SLC28A3: variants seen among roughly 807,000 people sequenced by gnomAD.
The protein encoded by SLC28A3 is concentrative Na(+)-nucleoside cotransporter 3.
In SLC28A3, 68 loss-of-function variants were observed where a neutral mutation model predicts 84.2. The ratio of observed to expected loss-of-function variants is 0.81; its 90% CI spans 0.66 to 0.99. The LOEUF is 0.99. Ranked by LOEUF, SLC28A3 falls within the 50% of genes least tolerant of loss-of-function variation. SLC28A3 has a pLI of 0.00. For synonymous variants in SLC28A3, 267 were observed against 303.6 expected, an observed-to-expected ratio of 0.88 and a Z score of 1.25; for missense variants, 712 against 841.5, an observed-to-expected ratio of 0.85 and a Z score of 1.90.
intron 1 of SLC28A3, among the ~76,000 whole-genome samples, chr9:84,336,530 G>T (rs1186463892): frequency 6.6e-6 from 1 of 152,090 alleles, no homozygotes; most frequent in Admixed American, 6.5e-5. Context: ...ACAAAGACTA[G>T]CCAAGTGTGG....
intron 1 of SLC28A3, among the ~76,000 whole-genome samples, chr9:84,323,570 G>A (rs1262626139): frequency 6.6e-6 from 1 of 151,882 alleles, no homozygotes; most frequent in African/African-American, 2.4e-5. Flanking sequence ...GAGTACAGGC[G>A]TGTGCCACTG....
At chr9:84,306,474 A>G (rs531270845) in intron 3 of SLC28A3, among the ~76,000 whole-genome samples, 78 of 152,298 alleles carry the variant, frequency 5.1e-4, no homozygotes, top group African/African-American at 1.6e-3. Flanking sequence ...TCTGAACTTT[A>G]TTCTTACTGT....
chr9:84,324,399 C>T (rs1826481186), intron 1 of SLC28A3, among the ~76,000 whole-genome samples: 2 of 152,124 alleles, frequency 1.3e-5, no homozygotes, highest in African/African-American at 2.4e-5. Context: ...AATCCCAGCA[C>T]TTTGGGGGCT....
At chr9:84,286,257 G>T in intron 12 of SLC28A3, 146 bp from the exon 13 acceptor site, 1 of 694,452 alleles carries the variant, frequency 1.4e-6, no homozygotes, top group East Asian at 2.7e-5. Flanking sequence ...TGAATCCCAT[G>T]ACATCATGAA....
chr9:84,325,266 A>T (rs1394951830), intron 1 of SLC28A3, among the ~76,000 whole-genome samples: 1 of 152,002 alleles, frequency 6.6e-6, no homozygotes, highest in East Asian at 1.9e-4. Flanking sequence ...ATTTTTCCAC[A>T]TAATGTAACA....
upstream of SLC28A3, among the ~76,000 whole-genome samples, chr9:84,342,127 C>CA (rs200186519): frequency 0.036 from 2,448 of 68,302 alleles, 65 homozygotes; most frequent in Admixed American, 0.1. Flanking sequence ...GACCCTGTCT[C>CA]AAAAAAAAAA....
chr9:84,280,173 AC>A (rs1824689230), intron 15 of SLC28A3, 100 bp from the exon 16 acceptor site: 2 of 964,728 alleles, frequency 2.1e-6, no homozygotes, highest in Admixed American at 3.0e-5. Context: ...AGGTCAGCTG[AC>A]TTTTTTTTTT....
In SLC28A3 at chr9:84,335,492, A is replaced by G. The variant is rs530763088; in HGVS notation, c.60+5082T>C. The stretch of plus-strand genomic sequence containing the variant: ...GGGCTCAGGAGTTTGAGGCTGCAAT[A>G]AGCTATGATTGTGCCACTGCACTTC... On this transcript the variant is annotated intron_variant, in intron 1 of 17. Coordinates refer to ENST00000376238, the MANE Select transcript of SLC28A3 (RefSeq NM_001199633.2). Among the ~76,000 whole-genome samples the G allele has an allele frequency of 3.3e-5, 5 of 152,264 alleles. No homozygotes were observed. In the East Asian group the frequency reaches 7.7e-4, roughly 24 times the overall value.
chr9:84,297,319 G>A, intron 7 of SLC28A3, 21 bp from the exon 8 acceptor site: 1 of 1,592,370 alleles, frequency 6.3e-7, no homozygotes, highest in East Asian at 2.2e-5. Flanking sequence ...GAAAGAAAAA[G>A]AGATTTCATT....
At chr9:84,320,953 C>T (rs988806504) in intron 1 of SLC28A3, among the ~76,000 whole-genome samples, 1 of 134,568 alleles carries the variant, frequency 7.4e-6, no homozygotes, top group Non-Finnish European at 1.5e-5. Context: ...GCGACAAGAA[C>T]AAGACTCCAT....
chr9:84,363,403 C>T, the SLC28A3 span, among the ~76,000 whole-genome samples: 1 of 152,194 alleles, frequency 6.6e-6, no homozygotes, highest in Non-Finnish European at 1.5e-5. Flanking sequence ...ATTATGTACA[C>T]TGATGACTAA....
At chr9:84,358,531 G>A in the SLC28A3 span, among the ~76,000 whole-genome samples, 1 of 152,102 alleles carries the variant, frequency 6.6e-6, no homozygotes, top group Non-Finnish European at 1.5e-5. Context: ...AACACACTCA[G>A]GTGCATCTGC....
At chr9:84,337,766 G>A (rs1005098792) in intron 1 of SLC28A3, among the ~76,000 whole-genome samples, 2 of 151,474 alleles carry the variant, frequency 1.3e-5, no homozygotes, top group Non-Finnish European at 2.9e-5. Flanking sequence ...CATAGAAAAC[G>A]TTTAGAGGTA....
chr9:84,303,448 G>T (rs1825695188), intron 4 of SLC28A3, among the ~76,000 whole-genome samples: 1 of 152,178 alleles, frequency 6.6e-6, no homozygotes, highest in African/African-American at 2.4e-5. Flanking sequence ...AGCCTCCTGA[G>T]TACCTGGGAT....
the SLC28A3 span, among the ~76,000 whole-genome samples, chr9:84,349,278 C>T: frequency 2.6e-5 from 4 of 152,208 alleles, no homozygotes; most frequent in Non-Finnish European, 5.9e-5. Context: ...GATGTATAAG[C>T]GCAGGTCCCT....
At chr9:84,297,142 T>C (rs758575313) in intron 8 of SLC28A3, 79 bp downstream of exon 8, 41 of 1,280,446 alleles carry the variant, frequency 3.2e-5, no homozygotes, top group Non-Finnish European at 4.3e-5. Context: ...TTTTGGTCAG[T>C]TAAGTTCTAT....
At chr9:84,326,471 C>T (rs1283724735) in intron 1 of SLC28A3, among the ~76,000 whole-genome samples, 1 of 152,104 alleles carries the variant, frequency 6.6e-6, no homozygotes, top group Non-Finnish European at 1.5e-5. Flanking sequence ...TTTTCTGAAA[C>T]CTCCCTGCAG....
At chr9:84,329,757 A>T (rs1376827000) in intron 1 of SLC28A3, among the ~76,000 whole-genome samples, 5 of 152,090 alleles carry the variant, frequency 3.3e-5, no homozygotes, top group African/African-American at 1.2e-4. Flanking sequence ...AATAAAGCTG[A>T]GCACAGTGAT....
At chr9:84,280,928 T>C in intron 14 of SLC28A3, 46 bp from the exon 15 acceptor site, 2 of 1,579,534 alleles carry the variant, frequency 1.3e-6, no homozygotes, top group East Asian at 2.2e-5. Context: ...CTGAGCTGGC[T>C]TAACAAATCT....
Sources: gnomAD v4.1 joint callset for allele counts (sites outside exome capture counted in the v4.1 genomes callset) on GRCh38, gnomAD v4.1.1 for gene constraint, MANE v1.5 for transcripts, NCBI Gene and HGNC (gene_info 2026-07-23, HGNC 2026-07-21) for gene names.